NBEAL1: variants seen among roughly 807,000 people sequenced by gnomAD.
NBEAL1 encodes the protein neurobeachin-like protein 1.
A neutral mutation model predicts 351.3 loss-of-function variants in NBEAL1; 273 were observed. The observed-to-expected ratio is 0.78, with a 90% CI of 0.70 to 0.86. NBEAL1 has a LOEUF of 0.86. Ranked by LOEUF, NBEAL1 falls within the 40% of genes least tolerant of loss-of-function variation. The pLI, the probability that NBEAL1 is intolerant of heterozygous loss-of-function variation, is 0.00. For missense variants in NBEAL1, 2,961 were observed against 3,201.3 expected (o/e 0.92, Z 1.81); for synonymous variants, 1,050 against 1,086.4 (o/e 0.97, Z 0.66).
chr2:203,116,123 C>T, intron 18 of NBEAL1, 53 bp downstream of exon 18: 3 of 1,212,608 alleles, frequency 2.5e-6, no homozygotes, highest in Non-Finnish European at 2.4e-6. Flanking sequence ...TTGTGAACTG[C>T]AGTTCCTTTT....
rs911059375 is a variant in NBEAL1, at chr2:203,062,982, C to T, written c.516-5411C>T. ...TTGTGTTTAATGCTTACCAAAATAG[C>T]GAAAGCAGGTTAGAATAGATTTAAT... On this transcript the variant is annotated intron_variant, in intron 6 of 55. Coordinates refer to ENST00000683969, the MANE Select transcript of NBEAL1 (RefSeq NM_001378026.1). This position sits in a 1 kb window ranked among gnomAD's most constrained non-coding sequence, Gnocchi z 4.2. Among the ~76,000 whole-genome samples the T allele has an allele frequency of 5.3e-5, 8 of 152,044 alleles. No individual in the cohort carries two copies. The highest frequency in any genetic ancestry group is 1.0e-4 in the Non-Finnish European group (7 of 68,000).
intron 53 of NBEAL1, among the ~76,000 whole-genome samples, chr2:203,210,616 A>G (rs922388542): frequency 6.6e-6 from 1 of 152,168 alleles, no homozygotes; most frequent in Non-Finnish European, 1.5e-5. Flanking sequence ...GTGAGCCAAG[A>G]TTGTGCCACT....
At chr2:203,215,103 A>G (rs1398521529) in intron 55 of NBEAL1, among the ~76,000 whole-genome samples, 2 of 152,120 alleles carry the variant, frequency 1.3e-5, no homozygotes, top group African/African-American at 4.8e-5. Context: ...CACACCTGTA[A>G]TCCCAGCACT....
intron 1 of NBEAL1, chr2:203,015,866 T>C (rs948613133): frequency 6.6e-6 from 1 of 152,366 alleles, no homozygotes; most frequent in African/African-American, 2.4e-5. Flanking sequence ...GTACAAAAGG[T>C]ATGAGTGGGA....
rs777567562 is a variant in NBEAL1, at chr2:203,157,731, T to C, written c.5620T>C (p.Leu1874=). ...ACACTCACAGCCTTCCAGTGATACA[T>C]TGCTTTTGGAAGTAGTGAAACAAGT... ...IQHSQPSSDT[L]LLEVVKQVKV... is the part of the protein sequence containing the mutation. The change falls in exon 36 of 56, where the codon TTG becomes CTG. Residue 1874 remains leucine, a synonymous_variant. Coordinates refer to ENST00000683969, the MANE Select transcript of NBEAL1 (RefSeq NM_001378026.1). The C allele has an allele frequency of 2.5e-6, 4 of 1,600,500 alleles. No homozygotes were observed. Among genetic ancestry groups the C allele is most frequent in the Non-Finnish European group, 2.6e-6 (3 of 1,174,328 alleles).
rs1221948342 is a variant in NBEAL1, at chr2:203,221,597, G to A, written c.*4243G>A. Among the ~76,000 whole-genome samples the A allele has an allele frequency of 3.9e-5, 6 of 151,934 alleles. No homozygotes were observed. Among genetic ancestry groups the A allele is most frequent in the African/African-American group, 7.3e-5 (3 of 41,344 alleles). Reference sequence around the variant, plus strand: ...CAGCCATACTCATGGCTTATCCTACGCATTGTTCCTCTCATCAGCTGAAAC... The same window carrying A: ...CAGCCATACTCATGGCTTATCCTACACATTGTTCCTCTCATCAGCTGAAAC... On this transcript the variant is annotated 3_prime_UTR_variant, in exon 56 of 56. Coordinates refer to ENST00000683969, the MANE Select transcript of NBEAL1 (RefSeq NM_001378026.1).
intron 6 of NBEAL1, among the ~76,000 whole-genome samples, chr2:203,064,904 C>CAAAA (rs1324328305): frequency 3.3e-5 from 5 of 152,054 alleles, no homozygotes; most frequent in Non-Finnish European, 5.9e-5. Context: ...AACTATATCC[C>CAAAA]TATTAGTAAA....
At chr2:203,087,163 T>A (rs1376781593) in intron 10 of NBEAL1, among the ~76,000 whole-genome samples, 3 of 147,170 alleles carry the variant, frequency 2.0e-5, no homozygotes, top group African/African-American at 7.5e-5. Context: ...GCGCAGTCTC[T>A]GCTCACTGAA....
chr2:203,076,065 A>G (rs919114426), intron 7 of NBEAL1, among the ~76,000 whole-genome samples: 2 of 152,222 alleles, frequency 1.3e-5, no homozygotes, highest in African/African-American at 4.8e-5. Context: ...CAGCATCAAA[A>G]GAAAGGGGAA....
At chr2:203,161,655 A>G (rs1286624247) in intron 36 of NBEAL1, among the ~76,000 whole-genome samples, 2 of 148,610 alleles carry the variant, frequency 1.3e-5, no homozygotes, top group African/African-American at 5.0e-5. Flanking sequence ...AAATAAATAA[A>G]TAAATAAATA....
At chr2:203,171,490 A>G (rs2064317357) in intron 39 of NBEAL1, among the ~76,000 whole-genome samples, 1 of 152,018 alleles carries the variant, frequency 6.6e-6, no homozygotes, top group African/African-American at 2.4e-5. Context: ...CTTTAGTCCT[A>G]GCTACTTGGG....
intron 31 of NBEAL1, among the ~76,000 whole-genome samples, chr2:203,142,492 C>G (rs1004495451): frequency 6.6e-6 from 1 of 151,908 alleles, no homozygotes; most frequent in Admixed American, 6.6e-5. Flanking sequence ...TCAGGTGACC[C>G]TAATGCAAGA....
intron 4 of NBEAL1, among the ~76,000 whole-genome samples, chr2:203,056,065 A>C (rs1411363064): frequency 6.6e-6 from 1 of 152,220 alleles, no homozygotes; most frequent in African/African-American, 2.4e-5. Flanking sequence ...GCATAGGGAC[A>C]AAAATCTGTA....
intron 2 of NBEAL1, among the ~76,000 whole-genome samples, chr2:203,031,568 A>G (rs1157632746): frequency 6.6e-6 from 1 of 152,222 alleles, no homozygotes; most frequent in Non-Finnish European, 1.5e-5. Flanking sequence ...AATGTCAGCT[A>G]CTTCTCTAAG....
chr2:203,213,874 C>G (rs77810475), intron 55 of NBEAL1: 1 of 709,024 alleles, frequency 1.4e-6, no homozygotes, highest in African/African-American at 1.9e-5. Flanking sequence ...ATCTACCACT[C>G]TATAGGAATA....
chr2:203,128,046 G>C lies in NBEAL1; in HGVS notation c.3405+109G>C, dbSNP rs933853156. On this transcript the variant is annotated intron_variant, in intron 24 of 55. Transcript: ENST00000683969. ...TAAATATTTTGAGAGTAAAATATGT[G>C]TAGTGTCACATTCAATATTATGCAC... 5 of 792,486 alleles carry C rather than the reference G, an allele frequency of 6.3e-6. No individual in the cohort carries two copies. The Admixed American group carries it at 1.4e-4, about 22-fold the overall frequency. 49.1% of individuals were successfully genotyped at this position (792,486 alleles called of 1,614,324 possible).
chr2:203,131,951 A>G (rs961113475), intron 25 of NBEAL1, 22 bp from the exon 26 acceptor site: 5 of 1,494,034 alleles, frequency 3.3e-6, no homozygotes, highest in Non-Finnish European at 3.6e-6. Context: ...TATATTGAGA[A>G]TATATTACTT....
chr2:203,076,573 A>G (rs2061777896), intron 7 of NBEAL1, among the ~76,000 whole-genome samples: 1 of 148,062 alleles, frequency 6.8e-6, no homozygotes, highest in South Asian at 2.1e-4. Flanking sequence ...GCAGGAGTAC[A>G]TATATGTACT....
chr2:203,159,807 C>A (rs1300777260), intron 36 of NBEAL1, among the ~76,000 whole-genome samples: 1 of 151,998 alleles, frequency 6.6e-6, no homozygotes, highest in Non-Finnish European at 1.5e-5. Flanking sequence ...TGAGGAATTA[C>A]CAAACTGTTT....
Sources: gnomAD v4.1 joint callset for allele counts (sites outside exome capture counted in the v4.1 genomes callset) on GRCh38, gnomAD v4.1.1 for gene constraint, Gnocchi (gnomAD v3.1) non-coding constraint, MANE v1.5 for transcripts, NCBI Gene and HGNC (gene_info 2026-07-23, HGNC 2026-07-21) for gene names.